BRF1: variants seen among roughly 807,000 people sequenced by gnomAD.
The protein encoded by BRF1 is BRF1 general transcription factor IIIB subunit.
In BRF1, 59 loss-of-function variants were observed where a neutral mutation model predicts 81.7. That is an observed-to-expected ratio of 0.72 (90% CI 0.59 to 0.90). The LOEUF is 0.90. BRF1 is among the 40% of genes least tolerant of loss of function. The pLI is 0.00. For missense variants in BRF1, 1,050 were observed against 936.3 expected (o/e 1.12, Z -1.58); for synonymous variants, 491 against 395.6 (o/e 1.24, Z -2.86).
chr14:105,245,782 T>C (rs946294190), intron 5 of BRF1, among the ~76,000 whole-genome samples: 13 of 151,020 alleles, frequency 8.6e-5, no homozygotes, highest in African/African-American at 2.2e-4. Flanking sequence ...TCAAAACCGA[T>C]GCAAGACCCA....
chr14:105,313,660 C>T, intron 1 of BRF1, among the ~76,000 whole-genome samples: 1 of 152,282 alleles, frequency 6.6e-6, no homozygotes, highest in East Asian at 1.9e-4. Context: ...AAGAAACCAG[C>T]TCCAGGTCAA....
At chr14:105,268,065 C>A (rs1273380142) in intron 3 of BRF1, among the ~76,000 whole-genome samples, 1 of 152,240 alleles carries the variant, frequency 6.6e-6, no homozygotes, top group Non-Finnish European at 1.5e-5. Context: ...CAGTGCTGGC[C>A]CCAGGGCTCT....
chr14:105,293,372 TCTAA>T (rs371160922), intron 1 of BRF1, among the ~76,000 whole-genome samples: 1 of 152,276 alleles, frequency 6.6e-6, no homozygotes, highest in East Asian at 1.9e-4. Flanking sequence ...GCTTCGAAGT[TCTAA>T]CTGTGAAGCC....
At chr14:105,248,280 T>G in intron 5 of BRF1, 1 of 985,350 alleles carries the variant, frequency 1.0e-6, no homozygotes, top group Non-Finnish European at 1.2e-6. Context: ...GGAATGCAAA[T>G]GGCCAAACAA....
chr14:105,295,105 C>G (rs986477663), intron 1 of BRF1, among the ~76,000 whole-genome samples: 3 of 151,880 alleles, frequency 2.0e-5, no homozygotes, highest in Non-Finnish European at 2.9e-5. Flanking sequence ...CCCTGATACC[C>G]AAGACAAGGA....
rs587668592 is a variant in BRF1, at chr14:105,288,569, C to T, written c.185-2193G>A. Among the ~76,000 whole-genome samples the T allele has an allele frequency of 2.5e-4, 38 of 152,016 alleles. 1 individual carries two copies. The highest frequency in any genetic ancestry group is 1.5e-3 in the South Asian group (7 of 4,798). ...CTTTGGGAGGCCGGAGCAGGAAGAT[C>T]GCCCAACCCAGGAGTTCAATACCAG... On this transcript the variant is annotated intron_variant, in intron 1 of 17. Coordinates refer to ENST00000547530, the MANE Select transcript of BRF1 (RefSeq NM_001519.4).
At chr14:105,250,868 G>A in intron 5 of BRF1, 1 of 637,332 alleles carries the variant, frequency 1.6e-6, no homozygotes, top group Non-Finnish European at 2.8e-6. Flanking sequence ...CTCTGGTACA[G>A]TGGGGTGCAC....
Position 105,309,593 on chromosome 14 carries a change from C to T in BRF1, c.-162+5729G>A, listed in dbSNP as rs1047411750. Among the ~76,000 whole-genome samples, 15 of 152,306 alleles carry T rather than the reference C, an allele frequency of 9.8e-5. No homozygotes were observed. Among genetic ancestry groups the T allele is most frequent in the Admixed American group, 3.9e-4 (6 of 15,300 alleles). ...ATGAGCCCAGGCAAATCTCCCAAGA[C>T]GCTGCCAAGCCACTCTGCAGAGCTG... is the stretch of plus-strand genomic sequence containing the variant. On this transcript the variant is annotated intron_variant, in intron 1 of 17. Transcript: ENST00000327359. The surrounding 1 kb of genome is among the most constrained non-coding windows in gnomAD (Gnocchi z 4.0).
At chr14:105,229,369 A>T (rs2054335963) in intron 6 of BRF1, among the ~76,000 whole-genome samples, 1 of 152,238 alleles carries the variant, frequency 6.6e-6, no homozygotes, top group African/African-American at 2.4e-5. Flanking sequence ...TCATGTGTGC[A>T]GATGGAACGG....
chr14:105,286,150 G>C (rs1021694802), intron 2 of BRF1, 146 bp downstream of exon 2: 4 of 940,010 alleles, frequency 4.3e-6, no homozygotes, highest in African/African-American at 3.3e-5. Flanking sequence ...ATTCCTCCTG[G>C]AAAGCAGCCT....
intron 1 of BRF1, chr14:105,314,498 G>C (rs1171890242): frequency 6.7e-6 from 1 of 148,302 alleles, no homozygotes; most frequent in African/African-American, 2.5e-5. Context: ...CTGTGCGCAG[G>C]CGCGTGAGTG....
At chr14:105,267,655 T>C (rs1047042008) in intron 3 of BRF1, among the ~76,000 whole-genome samples, 1 of 152,166 alleles carries the variant, frequency 6.6e-6, no homozygotes. Context: ...GTGCACCATT[T>C]GATTCCCTCA....
At chr14:105,223,491 T>C (rs1892621004) in intron 10 of BRF1, among the ~76,000 whole-genome samples, 3 of 78,740 alleles carry the variant, frequency 3.8e-5, no homozygotes, top group African/African-American at 2.9e-4. Flanking sequence ...ACAACACAAA[T>C]GAGCAAACCA....
intron 5 of BRF1, chr14:105,249,232 G>T: frequency 6.3e-7 from 1 of 1,583,834 alleles, no homozygotes. Context: ...CGACCAGGAC[G>T]GTGCCCGCCC....
chr14:105,284,793 A>C lies in BRF1; in HGVS notation c.265+1503T>G, dbSNP rs1346825004. ...CACTGCTATTCAATGTGGTAAACAAAAAAAACAAAAACAAAAAACAGGCAC... is the reference window on the plus strand; with the variant it reads ...CACTGCTATTCAATGTGGTAAACAACAAAAACAAAAACAAAAAACAGGCAC... On this transcript the variant is annotated intron_variant, in intron 2 of 17. Transcript: ENST00000547530. The surrounding 1 kb of genome is among the most constrained non-coding windows in gnomAD (Gnocchi z 4.0). Among the ~76,000 whole-genome samples, 1 of 152,222 alleles carries C rather than the reference A, an allele frequency of 6.6e-6. No individual in the cohort carries two copies. The highest frequency in any genetic ancestry group is 1.5e-5 in the Non-Finnish European group (1 of 68,040).
intron 4 of BRF1, 61 bp downstream of exon 4, chr14:105,256,457 T>C (rs2055875462): frequency 2.5e-6 from 4 of 1,613,900 alleles, no homozygotes; most frequent in South Asian, 1.1e-5. Flanking sequence ...GTCACAACCC[T>C]GGTCACAACC....
At position 105,210,471 on chromosome 14, in the gene BRF1, T is replaced by C; in HGVS notation, c.*80A>G. ...AGTCTCGGCGCTGGGGCCTGCCTGC[T>C]GCGGTCCTGGAAGCCCGTCTGATGC... On this transcript the variant is annotated 3_prime_UTR_variant, in exon 18 of 18. Coordinates refer to ENST00000547530, the MANE Select transcript of BRF1 (RefSeq NM_001519.4). This position sits in a 1 kb window ranked among gnomAD's most constrained non-coding sequence, Gnocchi z 4.7. 5 of 1,542,516 alleles carry C rather than the reference T, an allele frequency of 3.2e-6. No individual in the cohort carries two copies. The African/African-American group carries it at 4.1e-5, about 13-fold the overall frequency.
At position 105,210,675 on chromosome 14, in the gene BRF1, C is replaced by T. The variant is rs587711136; in HGVS notation, c.1997-87G>A. ...CAACCCGCCCTGTTCCTGGTGCCCC[C>T]CTAGAAGACTCAGGCTCCAGCCCCA... On this transcript the variant is annotated intron_variant, in intron 17 of 17. Transcript: ENST00000547530. The surrounding 1 kb of genome is among the most constrained non-coding windows in gnomAD (Gnocchi z 4.7). The T allele has an allele frequency of 2.1e-6, 3 of 1,461,900 alleles. No individual in the cohort carries two copies. The highest frequency in any genetic ancestry group is 2.8e-6 in the Non-Finnish European group (3 of 1,072,610). 90.6% of individuals were successfully genotyped at this position (1,461,900 alleles called of 1,614,324 possible).
At chr14:105,225,420 C>A (rs182558637) in intron 10 of BRF1, among the ~76,000 whole-genome samples, 143 of 152,226 alleles carry the variant, frequency 9.4e-4, no homozygotes, top group African/African-American at 3.4e-3. Context: ...CCCGCTTATA[C>A]CCCCTCCCTT....
Sources: gnomAD v4.1 joint callset for allele counts (sites outside exome capture counted in the v4.1 genomes callset) on GRCh38, gnomAD v4.1.1 for gene constraint, Gnocchi (gnomAD v3.1) non-coding constraint, MANE v1.5 for transcripts, NCBI Gene and HGNC (gene_info 2026-07-23, HGNC 2026-07-21) for gene names.